NUDT4: variants seen among roughly 807,000 people sequenced by gnomAD.
The protein encoded by NUDT4 is nudix hydrolase 4.
Under a neutral mutation model 23.1 loss-of-function variants are expected in NUDT4, and 5 were observed. The observed-to-expected ratio is 0.22, with a 90% CI of 0.11 to 0.46. The LOEUF (loss-of-function observed/expected upper bound fraction) is 0.46, where lower values mean the gene tolerates loss of function less well. Ranked by LOEUF, NUDT4 falls within the 20% of genes least tolerant of loss-of-function variation. The probability of loss-of-function intolerance (pLI) is 0.99; values close to 1 mark genes in which losing one functional copy is unlikely to be tolerated. For missense variants in NUDT4, 96 were observed against 211.6 expected, an observed-to-expected ratio of 0.45 and a Z score of 3.39; for synonymous variants, 50 against 79.0, an observed-to-expected ratio of 0.63 and a Z score of 1.95.
At position 93,402,393 on chromosome 12, in the gene NUDT4, C is replaced by T. The variant is rs1027853298; in HGVS notation, c.*3014C>T. 1.3e-5 allele frequency: 2 copies of T among 152,128 alleles called. No homozygotes were observed. Among genetic ancestry groups the T allele is most frequent in the East Asian group, 1.9e-4 (1 of 5,188 alleles). The allele number at this position is 152,128 out of a possible 1,614,324, so 9.4% of individuals were successfully genotyped here. A position where few individuals can be genotyped will look rare whatever the true frequency, so the allele number is the denominator to read the frequency against. On this transcript the variant is annotated 3_prime_UTR_variant, in exon 5 of 5. Coordinates refer to ENST00000415493, the MANE Select transcript of NUDT4 (RefSeq NM_019094.6). ...AACTTTGAAATGTATAAACACCCAG[C>T]GGAAACGTATACCTTTCAGTGCATA... is the stretch of plus-strand genomic sequence containing the variant.
Position 93,378,433 on chromosome 12 carries a change from G to A in NUDT4, c.99+12G>A. On this transcript the variant is annotated intron_variant, in intron 1 of 4. Transcript: ENST00000415493. ...AGCAGGAGGACGAGGTAGGGCGCCCGGCGCCGCACGCTGCCCTCCGGGGCG... is the reference window on the plus strand; with the variant it reads ...AGCAGGAGGACGAGGTAGGGCGCCCAGCGCCGCACGCTGCCCTCCGGGGCG... 1 of 1,541,868 alleles carries A rather than the reference G, an allele frequency of 6.5e-7. No homozygotes were observed. The highest frequency in any genetic ancestry group is 1.4e-5 in the African/African-American group (1 of 72,754).
chr12:93,404,288 G>A lies in NUDT4; in HGVS notation c.*4909G>A, dbSNP rs1877675188. On this transcript the variant is annotated 3_prime_UTR_variant, in exon 5 of 5. Coordinates refer to ENST00000415493, the MANE Select transcript of NUDT4 (RefSeq NM_019094.6). ...GAGTGAAAAGCCATTAAAATAAAAT[G>A]CTCAGCAGCAAAGGATTTGTAATGG... The A allele has an allele frequency of 6.6e-6, 1 of 152,190 alleles. No homozygotes were observed. Among genetic ancestry groups the A allele is most frequent in the South Asian group, 2.1e-4 (1 of 4,834 alleles). The allele number at this position is 152,190 out of a possible 1,614,324, so 9.4% of individuals were successfully genotyped here.
At chr12:93,383,165 T>C (rs901117511) in intron 1 of NUDT4, among the ~76,000 whole-genome samples, 5 of 152,056 alleles carry the variant, frequency 3.3e-5, no homozygotes, top group Non-Finnish European at 1.5e-5. Context: ...AACATTGACC[T>C]GCTAGGTAAA....
At chr12:93,381,783 A>C (rs143503524) in intron 1 of NUDT4, among the ~76,000 whole-genome samples, 1 of 152,242 alleles carries the variant, frequency 6.6e-6, no homozygotes, top group African/African-American at 2.4e-5. Context: ...ACGCAAGAAC[A>C]AAGTTTTGTT....
In NUDT4 at chr12:93,394,526, T is replaced by G. The variant is rs563671348; in HGVS notation, c.100-83T>G. ...AATATTTTAATCTAGAATAGAGTTA[T>G]AACCTTGCAGAGGTTTGAGAATGTT... On this transcript the variant is annotated intron_variant, in intron 1 of 4. Coordinates refer to ENST00000415493, the MANE Select transcript of NUDT4 (RefSeq NM_019094.6). 1.4e-5 allele frequency: 11 copies of G among 759,212 alleles called. No individual in the cohort carries two copies. In the African/African-American group the frequency reaches 1.6e-4, roughly 11 times the overall value. 47.0% of individuals were successfully genotyped at this position (759,212 alleles called of 1,614,324 possible). A position where few individuals can be genotyped will look rare whatever the true frequency, so the allele number is the denominator to read the frequency against.
At chr12:93,394,912 G>C (rs1019805450) in intron 2 of NUDT4, among the ~76,000 whole-genome samples, 193 bp downstream of exon 2, 1 of 151,850 alleles carries the variant, frequency 6.6e-6, no homozygotes, top group Admixed American at 6.6e-5. Flanking sequence ...ACAGTGGAGC[G>C]ATCTTGGCTC....
In NUDT4 at chr12:93,400,698, C is replaced by G. The variant is rs1156793613; in HGVS notation, c.*1319C>G. ...AATCTCAACTCACCGCAACCTCCGC[C>G]TCCCGGGTTCAAGCGATTCTCCTGC... On this transcript the variant is annotated 3_prime_UTR_variant, in exon 5 of 5. Transcript: ENST00000415493. The G allele has an allele frequency of 9.2e-5, 14 of 152,724 alleles. No homozygotes were observed. The highest frequency in any genetic ancestry group is 3.1e-4 in the African/African-American group (13 of 41,610). The allele number at this position is 152,724 out of a possible 1,614,324, so 9.5% of individuals were successfully genotyped here. A position where few individuals can be genotyped will look rare whatever the true frequency, so the allele number is the denominator to read the frequency against.
chr12:93,378,665 G>T (rs1198713323), intron 1 of NUDT4: 1 of 1,184,366 alleles, frequency 8.4e-7, no homozygotes, highest in Non-Finnish European at 1.0e-6. Context: ...TCGAGAAGGC[G>T]CCTGGTCCCC....
chr12:93,396,881 GA>G (rs1181501967), intron 3 of NUDT4, among the ~76,000 whole-genome samples: 1 of 152,186 alleles, frequency 6.6e-6, no homozygotes, highest in African/African-American at 2.4e-5. Flanking sequence ...AAAACAAAGA[GA>G]AAAGTCGTTC....
At chr12:93,387,272 T>C (rs1876175309) in intron 1 of NUDT4, among the ~76,000 whole-genome samples, 1 of 152,180 alleles carries the variant, frequency 6.6e-6, no homozygotes, top group Non-Finnish European at 1.5e-5. Flanking sequence ...ACGTGTTTTT[T>C]CAAGCTGAAT....
intron 1 of NUDT4, among the ~76,000 whole-genome samples, chr12:93,389,833 G>A (rs1337064726): frequency 6.6e-6 from 1 of 151,836 alleles, no homozygotes; most frequent in African/African-American, 2.4e-5. Context: ...CAAGGAGGCG[G>A]AGGTTGCAGT....
At chr12:93,389,243 C>T (rs979192966) in intron 1 of NUDT4, among the ~76,000 whole-genome samples, 4 of 151,918 alleles carry the variant, frequency 2.6e-5, no homozygotes, top group Non-Finnish European at 5.9e-5. Flanking sequence ...GAGGCTGAGG[C>T]GGGCAGATCA....
intron 1 of NUDT4, among the ~76,000 whole-genome samples, chr12:93,386,128 A>T (rs1876077058): frequency 6.6e-6 from 1 of 151,604 alleles, no homozygotes; most frequent in Non-Finnish European, 1.5e-5. Context: ...GGTACATGCC[A>T]CCATGCCTGG....
In NUDT4 at chr12:93,406,168, T is replaced by C. The variant is rs1385217192; in HGVS notation, c.*6789T>C. ...CTGTAGTCCCAGCTCCTCAGGAGGC[T>C]GAGGCAGGAGAATCGCTTGAACGCG... On this transcript the variant is annotated 3_prime_UTR_variant, in exon 5 of 5. Transcript: ENST00000415493. 6.7e-6 allele frequency: 1 copy of C among 148,980 alleles called. No homozygotes were observed. Among genetic ancestry groups the C allele is most frequent in the Non-Finnish European group, 1.5e-5 (1 of 67,760 alleles). The allele number at this position is 148,980 out of a possible 1,614,324, so 9.2% of individuals were successfully genotyped here. A position where few individuals can be genotyped will look rare whatever the true frequency, so the allele number is the denominator to read the frequency against.
chr12:93,385,970 T>TATAC lies in NUDT4; in HGVS notation c.99+7550_99+7551insTACA, dbSNP rs1243696865. ...ATATATATATATATATATATATATA[T>TATAC]ACATAATTTTTTTTTTCTTTTTGAG... On this transcript the variant is annotated intron_variant, in intron 1 of 4. Coordinates refer to ENST00000415493, the MANE Select transcript of NUDT4 (RefSeq NM_019094.6). 2.2e-3 allele frequency among the ~76,000 whole-genome samples: 261 copies of TATAC among 118,588 alleles called. 7 individuals carry two copies. Among genetic ancestry groups the TATAC allele is most frequent in the East Asian group, 8.8e-3 (32 of 3,652 alleles). 77.8% of individuals were successfully genotyped at this position (118,588 alleles called of 152,430 possible). A position where few individuals can be genotyped will look rare whatever the true frequency, so the allele number is the denominator to read the frequency against.
rs958440966 is a variant in NUDT4 at position 93,378,837 on chromosome 12, T to A, written c.99+416T>A. On this transcript the variant is annotated intron_variant, in intron 1 of 4. Transcript: ENST00000415493. ...TTGTGCCTCTTTTACATATTTTCCT[T>A]CCATGTTACAGCCGTTTGCGGTCTC... The A allele has an allele frequency of 2.2e-5, 21 of 969,332 alleles. No individual in the cohort carries two copies. The African/African-American group carries it at 3.5e-4, about 16-fold the overall frequency. The allele number at this position is 969,332 out of a possible 1,614,324, so 60.0% of individuals were successfully genotyped here. A position where few individuals can be genotyped will look rare whatever the true frequency, so the allele number is the denominator to read the frequency against.
intron 3 of NUDT4, among the ~76,000 whole-genome samples, chr12:93,397,735 G>T (rs1397411899): frequency 6.6e-6 from 1 of 152,072 alleles, no homozygotes; most frequent in East Asian, 1.9e-4. Context: ...ATGTTGGACA[G>T]GCTGGGCTCG....
intron 1 of NUDT4, among the ~76,000 whole-genome samples, chr12:93,391,254 C>T (rs536064226): frequency 6.6e-6 from 1 of 151,932 alleles, no homozygotes; most frequent in Admixed American, 6.6e-5. Flanking sequence ...ATGGCAAGAC[C>T]CCACCTCTAC....
chr12:93,407,703 A>G lies in NUDT4; in HGVS notation c.*8324A>G, dbSNP rs1017992115. On this transcript the variant is annotated 3_prime_UTR_variant, in exon 5 of 5. Coordinates refer to ENST00000415493, the MANE Select transcript of NUDT4 (RefSeq NM_019094.6). ...CCCAATTTTTAAAAATGTTGGCATC[A>G]AATTCAGAATGTTTTAACCAGCCAC... is the stretch of plus-strand genomic sequence containing the variant. 6 of 152,344 alleles carry G rather than the reference A, an allele frequency of 3.9e-5. No homozygotes were observed. In the East Asian group the frequency reaches 1.2e-3, roughly 29 times the overall value. 9.4% of individuals were successfully genotyped at this position (152,344 alleles called of 1,614,324 possible).
Sources: allele counts gnomAD v4.1 joint callset (sites outside exome capture counted in the v4.1 genomes callset), GRCh38; gene constraint gnomAD v4.1.1; transcripts MANE v1.5; gene names NCBI Gene and HGNC (gene_info 2026-07-23, HGNC 2026-07-21).